Variants in CTNND2 observed in about 807,000 individuals in gnomAD.
CTNND2 encodes catenin delta 2, also known as catenin delta-2.
CTNND2 carries 22 observed loss-of-function variants against 144.4 expected under a neutral mutation model. That is an observed-to-expected ratio of 0.15 (90% confidence interval 0.11 to 0.22). CTNND2 has a LOEUF of 0.22. CTNND2 is among the 10% of genes least tolerant of loss of function. The probability of loss-of-function intolerance (pLI) is 1.00; values close to 1 mark genes in which losing one functional copy is unlikely to be tolerated. For missense variants in CTNND2, 1,353 were observed against 1,618.8 expected (o/e 0.84, Z 2.82); for synonymous variants, 751 against 695.6 (o/e 1.08, Z -1.25).
chr5:11,707,067 C>A (rs1785747338), intron 2 of CTNND2, among the ~76,000 whole-genome samples: 3 of 140,608 alleles, frequency 2.1e-5, no homozygotes, highest in Admixed American at 7.4e-5. Context: ...GCCTGGGAGA[C>A]AGAGCAATAC....
intron 6 of CTNND2, 74 bp downstream of exon 6, chr5:11,396,957 C>T (rs1468434917): frequency 2.1e-6 from 3 of 1,415,558 alleles, no homozygotes; most frequent in Non-Finnish European, 2.9e-6. Flanking sequence ...TCCACAATCT[C>T]CACATCCACT....
intron 1 of CTNND2, among the ~76,000 whole-genome samples, chr5:11,831,784 G>A (rs891685501): frequency 6.6e-6 from 1 of 152,008 alleles, no homozygotes; most frequent in Admixed American, 6.6e-5. Flanking sequence ...AACAACTGAT[G>A]GTAAAACAAC....
At chr5:11,155,629 C>T (rs559472412) in intron 12 of CTNND2, among the ~76,000 whole-genome samples, 13 of 152,124 alleles carry the variant, frequency 8.5e-5, no homozygotes, top group South Asian at 2.1e-4. Context: ...CTCTAACCCC[C>T]GCAACCCCAC....
intron 9 of CTNND2, among the ~76,000 whole-genome samples, chr5:11,248,432 A>G (rs771005335): frequency 5.9e-5 from 9 of 152,002 alleles, no homozygotes; most frequent in Non-Finnish European, 1.0e-4. Context: ...TTATATATGT[A>G]TAATACATAT....
intron 16 of CTNND2, among the ~76,000 whole-genome samples, chr5:11,036,572 C>G (rs1025855943): frequency 1.3e-5 from 2 of 152,170 alleles, no homozygotes; most frequent in Non-Finnish European, 2.9e-5. Context: ...AGGTGCCCAC[C>G]ACCAAGCCTG....
chr5:11,492,474 G>T (rs1165533338), intron 3 of CTNND2, among the ~76,000 whole-genome samples: 2 of 149,962 alleles, frequency 1.3e-5, no homozygotes, highest in African/African-American at 4.9e-5. Flanking sequence ...ATGATTTTCA[G>T]ATATCTCTTT....
intron 2 of CTNND2, among the ~76,000 whole-genome samples, chr5:11,686,834 ATATAC>A (rs1430686607): frequency 2.0e-5 from 3 of 148,344 alleles, no homozygotes; most frequent in African/African-American, 7.3e-5. Context: ...TATGTATCTA[ATATAC>A]TATATTATAC....
intron 14 of CTNND2, 23 bp downstream of exon 14, chr5:11,110,835 C>CAGCTGCA: frequency 6.2e-7 from 1 of 1,601,652 alleles, no homozygotes; most frequent in African/African-American, 1.3e-5. Flanking sequence ...TAATTGCATG[C>CAGCTGCA]AGCTGCAAGC....
chr5:11,091,215 C>T (rs1750735481), intron 15 of CTNND2, among the ~76,000 whole-genome samples: 1 of 152,114 alleles, frequency 6.6e-6, no homozygotes, highest in South Asian at 2.1e-4. Context: ...GTGTTTCATG[C>T]TGGATAGCTT....
chr5:11,128,723 T>G lies in CTNND2; in HGVS notation c.2160-11156A>C, dbSNP rs533760409. ...TGCTTTGCTCAAGACCAAAATGCCA[T>G]ATATATAATATATATATTTATATAT... is the stretch of plus-strand genomic sequence containing the variant. On this transcript the variant is annotated intron_variant, in intron 12 of 21. Coordinates refer to ENST00000304623, the MANE Select transcript of CTNND2 (RefSeq NM_001332.4). Among the ~76,000 whole-genome samples the G allele has an allele frequency of 1.5e-3, 95 of 62,572 alleles. 1 individual carries two copies. Among genetic ancestry groups the G allele is most frequent in the African/African-American group, 7.3e-3 (81 of 11,148 alleles). The allele number at this position is 62,572 out of a possible 152,430, so 41.0% of individuals were successfully genotyped here.
intron 1 of CTNND2, among the ~76,000 whole-genome samples, chr5:11,831,289 A>C (rs574324609): frequency 1.2e-4 from 19 of 152,084 alleles, no homozygotes; most frequent in African/African-American, 4.3e-4. Flanking sequence ...TGGAGGACTT[A>C]TACTGCCTCA....
At chr5:11,651,742 T>C (rs867102069) in intron 2 of CTNND2, among the ~76,000 whole-genome samples, 1 of 152,244 alleles carries the variant, frequency 6.6e-6, no homozygotes, top group African/African-American at 2.4e-5. Context: ...ATTAAATGAC[T>C]GACCTGCTGG....
At chr5:11,650,458 T>C (rs549994138) in intron 2 of CTNND2, among the ~76,000 whole-genome samples, 3 of 152,316 alleles carry the variant, frequency 2.0e-5, no homozygotes, top group East Asian at 3.9e-4. Flanking sequence ...GGCATTGCTA[T>C]AAAGAAACTT....
At chr5:11,088,137 C>T (rs1017661023) in intron 15 of CTNND2, among the ~76,000 whole-genome samples, 3 of 152,132 alleles carry the variant, frequency 2.0e-5, no homozygotes, top group African/African-American at 7.2e-5. Context: ...TCCTTGTGTG[C>T]AACTGGTATC....
chr5:11,834,286 C>T (rs1035146416), intron 1 of CTNND2, among the ~76,000 whole-genome samples: 3 of 152,212 alleles, frequency 2.0e-5, no homozygotes, highest in Non-Finnish European at 4.4e-5. Context: ...ACCCTCTCTT[C>T]CTCTACCCAT....
At chr5:11,332,489 T>A (rs1753279792) in intron 9 of CTNND2, among the ~76,000 whole-genome samples, 2 of 152,088 alleles carry the variant, frequency 1.3e-5, no homozygotes, top group Admixed American at 1.3e-4. Flanking sequence ...AAAATATACA[T>A]AACATAAAAT....
intron 5 of CTNND2, among the ~76,000 whole-genome samples, chr5:11,407,095 T>G (rs1206302663): frequency 6.6e-6 from 1 of 152,212 alleles, no homozygotes; most frequent in Non-Finnish European, 1.5e-5. Context: ...CCTTTATTTC[T>G]GAGTTTGTAT....
In CTNND2 at chr5:11,410,931, G is replaced by T. The variant is rs61749769; in HGVS notation, c.439+605C>A. ...CTGTTGCCCAGGATGGAGTACAGTG[G>T]CGCAATCTCGGCTCACTGCAACCTC... On this transcript the variant is annotated intron_variant, in intron 5 of 21. Transcript: ENST00000304623. Among the ~76,000 whole-genome samples the T allele has an allele frequency of 3.6e-3, 553 of 151,770 alleles. 3 individuals are homozygous for T. Among genetic ancestry groups the T allele is most frequent in the African/African-American group, 0.012 (485 of 41,350 alleles).
intron 9 of CTNND2, among the ~76,000 whole-genome samples, chr5:11,316,326 A>G (rs1751469690): frequency 6.6e-6 from 1 of 152,056 alleles, no homozygotes; most frequent in South Asian, 2.1e-4. Flanking sequence ...CCCAGGTTCA[A>G]ACAATTCTCG....
Sources: gnomAD v4.1 joint callset for allele counts (sites outside exome capture counted in the v4.1 genomes callset) on GRCh38, gnomAD v4.1.1 for gene constraint, MANE v1.5 for transcripts, NCBI Gene and HGNC (gene_info 2026-07-23, HGNC 2026-07-21) for gene names.